GRM7: variants seen among roughly 807,000 people sequenced by gnomAD.
The protein encoded by GRM7 is metabotropic glutamate receptor 7.
GRM7 carries 35 observed loss-of-function variants against 84.5 expected under a neutral mutation model. The observed-to-expected ratio is 0.41, with a 90% CI of 0.32 to 0.55. The LOEUF is 0.55. Among genes scored for constraint, GRM7 ranks in the 20% least tolerant of loss-of-function variants. The probability of loss-of-function intolerance (pLI) is 0.19; values close to 1 mark genes in which losing one functional copy is unlikely to be tolerated. For missense variants in GRM7, 1,003 were observed against 1,194.6 expected (o/e 0.84, Z 2.36); for synonymous variants, 487 against 455.1 (o/e 1.07, Z -0.89).
chr3:7,467,599 T>C (rs1698514798), intron 7 of GRM7, among the ~76,000 whole-genome samples: 1 of 152,052 alleles, frequency 6.6e-6, no homozygotes, highest in African/African-American at 2.4e-5. Flanking sequence ...TAGGGAGTCA[T>C]TCTGAGGCCA....
intron 8 of GRM7, among the ~76,000 whole-genome samples, chr3:7,650,587 T>C (rs888067729): frequency 3.9e-5 from 6 of 152,244 alleles, no homozygotes; most frequent in African/African-American, 7.2e-5. Context: ...TCTAATTCTG[T>C]TTCAGATGAG....
chr3:6,930,943 C>T (rs1315074466), intron 1 of GRM7, among the ~76,000 whole-genome samples: 3 of 152,188 alleles, frequency 2.0e-5, no homozygotes, highest in African/African-American at 7.2e-5. Flanking sequence ...GGAGTAGCCT[C>T]AAATGTGAAC....
chr3:6,870,771 C>T (rs946008800), intron 1 of GRM7, among the ~76,000 whole-genome samples: 1 of 152,042 alleles, frequency 6.6e-6, no homozygotes, highest in Non-Finnish European at 1.5e-5. Context: ...AAAGAAAGAA[C>T]AGGATCAAGA....
chr3:7,298,978 C>A (rs1699907108), intron 3 of GRM7, among the ~76,000 whole-genome samples, 153 bp downstream of exon 3: 1 of 152,078 alleles, frequency 6.6e-6, no homozygotes, highest in Non-Finnish European at 1.5e-5. Context: ...CCAACACATA[C>A]AGTGGTAGCA....
intron 1 of GRM7, among the ~76,000 whole-genome samples, chr3:6,877,950 T>C (rs1403775519): frequency 2.9e-5 from 1 of 34,486 alleles, no homozygotes; most frequent in Non-Finnish European, 6.8e-5. Flanking sequence ...AATAACTTAC[T>C]TTTTTTTTTT....
chr3:6,927,951 T>G (rs1382226525), intron 1 of GRM7, among the ~76,000 whole-genome samples: 1 of 152,226 alleles, frequency 6.6e-6, no homozygotes, highest in African/African-American at 2.4e-5. Context: ...TTCTTCTGGT[T>G]TCACACTTAG....
intron 1 of GRM7, among the ~76,000 whole-genome samples, chr3:6,948,939 T>G (rs951946252): frequency 1.6e-4 from 24 of 152,284 alleles, no homozygotes; most frequent in African/African-American, 5.8e-4. Context: ...TGTTTTGAGC[T>G]TATGTGTGTC....
At chr3:7,708,119 C>T (rs888486486) in intron 9 of GRM7, among the ~76,000 whole-genome samples, 7 of 151,426 alleles carry the variant, frequency 4.6e-5, no homozygotes, top group African/African-American at 1.5e-4. Flanking sequence ...TTTTATTTGC[C>T]TCTCCAAATC....
At chr3:7,243,280 TA>T in intron 2 of GRM7, among the ~76,000 whole-genome samples, 1 of 152,226 alleles carries the variant, frequency 6.6e-6, no homozygotes, top group South Asian at 2.1e-4. Flanking sequence ...TGGCTTAAGG[TA>T]AAACAGTATT....
At chr3:7,538,409 GC>G (rs964874645) in intron 7 of GRM7, among the ~76,000 whole-genome samples, 2 of 152,144 alleles carry the variant, frequency 1.3e-5, no homozygotes, top group Admixed American at 1.3e-4. Context: ...ACAATGTTCG[GC>G]CCGTTACTGT....
At chr3:7,025,950 T>A (rs2124919669) in intron 1 of GRM7, among the ~76,000 whole-genome samples, 1 of 152,298 alleles carries the variant, frequency 6.6e-6, no homozygotes, top group Admixed American at 6.5e-5. Context: ...ACACCTACCC[T>A]GCAAAGCCAT....
At chr3:7,485,288 A>G (rs1699279127) in intron 7 of GRM7, among the ~76,000 whole-genome samples, 1 of 152,194 alleles carries the variant, frequency 6.6e-6, no homozygotes, top group Non-Finnish European at 1.5e-5. Flanking sequence ...GCCTTCATTT[A>G]AGTTAACTGT....
At chr3:7,335,469 A>G (rs1173824731) in intron 4 of GRM7, among the ~76,000 whole-genome samples, 6 of 152,084 alleles carry the variant, frequency 3.9e-5, no homozygotes, top group African/African-American at 1.4e-4. Context: ...AAAGAGTACA[A>G]GTAGACAATT....
At chr3:7,327,367 A>G (rs1701028704) in intron 4 of GRM7, among the ~76,000 whole-genome samples, 1 of 152,174 alleles carries the variant, frequency 6.6e-6, no homozygotes, top group African/African-American at 2.4e-5. Flanking sequence ...ATCAGAAGGA[A>G]GGAAAAGGAG....
At chr3:7,017,708 G>A (rs759114793) in intron 1 of GRM7, among the ~76,000 whole-genome samples, 4 of 152,046 alleles carry the variant, frequency 2.6e-5, no homozygotes, top group South Asian at 2.1e-4. Flanking sequence ...TTCATGGTAC[G>A]CAGTGAAGCC....
intron 2 of GRM7, among the ~76,000 whole-genome samples, chr3:7,271,195 G>C (rs1346569164): frequency 6.6e-6 from 1 of 152,074 alleles, no homozygotes; most frequent in Non-Finnish European, 1.5e-5. Flanking sequence ...CCAACAGAAA[G>C]AGGAAAAAAA....
chr3:7,014,270 A>C (rs1695486401), intron 1 of GRM7, among the ~76,000 whole-genome samples: 1 of 152,200 alleles, frequency 6.6e-6, no homozygotes, highest in African/African-American at 2.4e-5. Flanking sequence ...GGGAGGGAGT[A>C]GGCAAAGTGT....
rs185173604 is a variant in GRM7 at position 7,089,889 on chromosome 3, T to A, written c.520-56563T>A. ...ATGGAGTCTCCCTCTGTCACCCAGG[T>A]TGGAGTACAGTGGCATGATCTCGGC... On this transcript the variant is annotated intron_variant, in intron 1 of 9. Coordinates refer to ENST00000357716, the MANE Select transcript of GRM7 (RefSeq NM_000844.4). Among the ~76,000 whole-genome samples, 4 of 152,216 alleles carry A rather than the reference T, an allele frequency of 2.6e-5. No individual in the cohort carries two copies. In the East Asian group the frequency reaches 7.8e-4, roughly 30 times the overall value.
At chr3:7,605,715 G>A (rs1236570703) in intron 8 of GRM7, among the ~76,000 whole-genome samples, 3 of 152,164 alleles carry the variant, frequency 2.0e-5, no homozygotes, top group Non-Finnish European at 4.4e-5. Flanking sequence ...AATTTTAAAA[G>A]TGAGGTTGTA....
Sources: gnomAD v4.1 joint callset for allele counts (sites outside exome capture counted in the v4.1 genomes callset) on GRCh38, gnomAD v4.1.1 for gene constraint, MANE v1.5 for transcripts, NCBI Gene and HGNC (gene_info 2026-07-23, HGNC 2026-07-21) for gene names.